The following SAMD8 variants were observed in gnomAD, a reference collection of about 807,000 sequenced individuals.
SAMD8 encodes sphingomyelin synthase-related protein 1.
Under a neutral mutation model 42.0 loss-of-function variants are expected in SAMD8, and 20 were observed. The ratio of observed to expected loss-of-function variants is 0.48; its 90% CI spans 0.34 to 0.69. SAMD8 has a LOEUF of 0.69. Ranked by LOEUF, SAMD8 falls within the 30% of genes least tolerant of loss-of-function variation. The pLI is 0.01. For synonymous variants in SAMD8, 162 were observed against 173.0 expected (o/e 0.94, Z 0.50); for missense variants, 328 against 511.6 (o/e 0.64, Z 3.46).
chr10:75,129,035 C>T (rs900915326), intron 1 of SAMD8, among the ~76,000 whole-genome samples: 1 of 151,474 alleles, frequency 6.6e-6, no homozygotes, highest in Non-Finnish European at 1.5e-5. Flanking sequence ...TTCTGAATCA[C>T]CTAAAAAAAA....
At chr10:75,135,408 G>A (rs892512882) in intron 1 of SAMD8, among the ~76,000 whole-genome samples, 5 of 149,812 alleles carry the variant, frequency 3.3e-5, no homozygotes, top group South Asian at 4.2e-4. Context: ...AGCTGAGATC[G>A]TGTCACTGCA....
intron 1 of SAMD8, among the ~76,000 whole-genome samples, chr10:75,119,322 T>C (rs1260663336): frequency 1.3e-5 from 2 of 152,052 alleles, no homozygotes; most frequent in African/African-American, 4.8e-5. Flanking sequence ...GCCTAGCTAA[T>C]TTTTTTGTAT....
intron 1 of SAMD8, among the ~76,000 whole-genome samples, chr10:75,128,831 A>C (rs988608665): frequency 6.6e-6 from 1 of 152,162 alleles, no homozygotes; most frequent in Non-Finnish European, 1.5e-5. Flanking sequence ...TGAGATGAAA[A>C]GATTTGCTTT....
intron 1 of SAMD8, among the ~76,000 whole-genome samples, chr10:75,133,237 C>T (rs1287091192): frequency 6.6e-6 from 1 of 151,324 alleles, no homozygotes; most frequent in Non-Finnish European, 1.5e-5. Context: ...CCCATCTCTA[C>T]AAAAAAAATA....
chr10:75,150,447 T>C, intron 1 of SAMD8, 67 bp from the exon 2 acceptor site: 1 of 1,522,402 alleles, frequency 6.6e-7, no homozygotes, highest in Non-Finnish European at 8.8e-7. Flanking sequence ...TTATGTGTGT[T>C]TGTCTTTGAA....
intron 1 of SAMD8, among the ~76,000 whole-genome samples, chr10:75,133,433 G>A (rs184591848): frequency 1.7e-3 from 265 of 152,214 alleles, no homozygotes; most frequent in African/African-American, 6.1e-3. Flanking sequence ...ACTACCATAC[G>A]ATCCAGCAAT....
chr10:75,111,923 A>G (rs1224513663), intron 1 of SAMD8: 10 of 593,210 alleles, frequency 1.7e-5, no homozygotes, highest in Non-Finnish European at 2.2e-5. Flanking sequence ...GAGGGCCTGA[A>G]GGCTGAGGGA....
Position 75,176,302 on chromosome 10 carries a change from T to C in SAMD8, c.943+86T>C, listed in dbSNP as rs780223033. 1.9e-6 allele frequency: 3 copies of C among 1,606,596 alleles called. No individual in the cohort carries two copies. The highest frequency in any genetic ancestry group is 2.6e-6 in the Non-Finnish European group (3 of 1,175,618). ...GAAGGGTGTCAGATCCTGTGAAGAA[T>C]GGCAAAACAGCCTGACCTGAGAAAC... On this transcript the variant is annotated intron_variant, in intron 5 of 5. Coordinates refer to ENST00000542569, the MANE Select transcript of SAMD8 (RefSeq NM_001174156.2). The surrounding 1 kb of genome is among the most constrained non-coding windows in gnomAD (Gnocchi z 4.3).
intron 1 of SAMD8, among the ~76,000 whole-genome samples, chr10:75,119,095 T>TG (rs1439916293): frequency 6.6e-6 from 1 of 152,236 alleles, no homozygotes; most frequent in Non-Finnish European, 1.5e-5. Flanking sequence ...TTTTTTACGT[T>TG]TTATACATCA....
chr10:75,148,346 C>CTTTTTTTTTTTT lies in SAMD8; in HGVS notation c.-15-2154_-15-2143dup, dbSNP rs60024591. 3.8e-3 allele frequency among the ~76,000 whole-genome samples: 310 copies of CTTTTTTTTTTTT among 82,540 alleles called. 38 individuals are homozygous for CTTTTTTTTTTTT. Among genetic ancestry groups the CTTTTTTTTTTTT allele is most frequent in the East Asian group, 0.013 (31 of 2,302 alleles). 54.1% of individuals were successfully genotyped at this position (82,540 alleles called of 152,430 possible). ...GGGAAAGAATGCAGAGCAATACCAG[C>CTTTTTTTTTTTT]TTTTTTTTTTTTTTTTTTTTTTTTT... On this transcript the variant is annotated intron_variant, in intron 1 of 5. Coordinates refer to ENST00000542569, the MANE Select transcript of SAMD8 (RefSeq NM_001174156.2).
chr10:75,123,127 G>C (rs1849042339), intron 1 of SAMD8, among the ~76,000 whole-genome samples: 1 of 152,096 alleles, frequency 6.6e-6, no homozygotes, highest in South Asian at 2.1e-4. Context: ...TGCTGGGAAG[G>C]AAATGGACAC....
chr10:75,143,216 A>T (rs1272176993), intron 1 of SAMD8, among the ~76,000 whole-genome samples: 1 of 152,232 alleles, frequency 6.6e-6, no homozygotes, highest in East Asian at 1.9e-4. Flanking sequence ...CTGAGGCAGG[A>T]GAATCTCTTG....
At chr10:75,174,109 T>TTTG (rs1281187181) in intron 4 of SAMD8, among the ~76,000 whole-genome samples, 3 of 152,106 alleles carry the variant, frequency 2.0e-5, no homozygotes, top group East Asian at 3.9e-4. Flanking sequence ...GTGTGTGGTT[T>TTTG]TTGTTGTTGT....
intron 4 of SAMD8, 97 bp from the exon 5 acceptor site, chr10:75,175,969 T>C: frequency 6.6e-7 from 1 of 1,525,928 alleles, no homozygotes; most frequent in Non-Finnish European, 8.8e-7. Context: ...ATCTTATTTC[T>C]AAGTTATTCA....
At chr10:75,107,108 G>A (rs550273852), upstream of SAMD8, among the ~76,000 whole-genome samples, 7 of 152,342 alleles carry the variant, frequency 4.6e-5, no homozygotes, top group Non-Finnish European at 8.8e-5. Flanking sequence ...GGCCGAGGCA[G>A]ACAGATCACT....
At chr10:75,123,331 G>T (rs537450638) in intron 1 of SAMD8, among the ~76,000 whole-genome samples, 1 of 152,102 alleles carries the variant, frequency 6.6e-6, no homozygotes, top group Non-Finnish European at 1.5e-5. Context: ...GTAGTACCTC[G>T]GCAAGGAGCA....
At chr10:75,131,559 A>G (rs1262813479) in intron 1 of SAMD8, among the ~76,000 whole-genome samples, 2 of 152,180 alleles carry the variant, frequency 1.3e-5, no homozygotes, top group African/African-American at 4.8e-5. Flanking sequence ...TAATAGCCAG[A>G]AAACAGAATT....
chr10:75,113,154 T>C (rs11001295), intron 1 of SAMD8, among the ~76,000 whole-genome samples: 1,787 of 152,346 alleles, frequency 0.012, 13 homozygotes, highest in Middle Eastern at 0.02. Flanking sequence ...ATGCTTTTTA[T>C]AGAAGACATA....
rs2132226560 is a variant in SAMD8 at position 75,179,198 on chromosome 10, T to C, written c.*2506T>C. 6.6e-6 allele frequency: 1 copy of C among 152,044 alleles called. No homozygotes were observed. Among genetic ancestry groups the C allele is most frequent in the African/African-American group, 2.4e-5 (1 of 41,428 alleles). 9.4% of individuals were successfully genotyped at this position (152,044 alleles called of 1,614,324 possible). On this transcript the variant is annotated 3_prime_UTR_variant, in exon 6 of 6. Transcript: ENST00000542569. ...CCCCACAAAAAGTTGTTTAGAAAAT[T>C]AGCTGGGCGTGGTGATGCATGCCTG...
Sources: allele counts gnomAD v4.1 joint callset (sites outside exome capture counted in the v4.1 genomes callset), GRCh38; gene constraint gnomAD v4.1.1; non-coding constraint Gnocchi (gnomAD v3.1); transcripts MANE v1.5; gene names NCBI Gene and HGNC (gene_info 2026-07-23, HGNC 2026-07-21).